Variants in NXPE2 observed in about 807,000 individuals in gnomAD.
The protein encoded by NXPE2 is NXPE family member 2.
A neutral mutation model predicts 34.4 loss-of-function variants in NXPE2; 34 were observed. The observed-to-expected ratio is 0.99, with a 90% CI of 0.75 to 1.31. NXPE2 has a LOEUF of 1.31. Among genes scored for constraint, NXPE2 ranks in the 40% most tolerant of loss-of-function variants. The probability of loss-of-function intolerance (pLI) is 0.00; values close to 1 mark genes in which losing one functional copy is unlikely to be tolerated. For missense variants in NXPE2, 649 were observed against 672.5 expected (o/e 0.97, Z 0.39); for synonymous variants, 235 against 231.3 (o/e 1.02, Z -0.15).
At chr11:114,690,110 G>A (rs1015930609) in intron 2 of NXPE2, among the ~76,000 whole-genome samples, 1 of 152,098 alleles carries the variant, frequency 6.6e-6, no homozygotes, top group Non-Finnish European at 1.5e-5. Context: ...TAATTGATAT[G>A]TAAGGTTTTG....
At chr11:114,507,247 C>CAAA in the NXPE2 span, among the ~76,000 whole-genome samples, 9 of 91,408 alleles carry the variant, frequency 9.8e-5, no homozygotes, top group African/African-American at 2.3e-4. Context: ...GCCAACCAAC[C>CAAA]AAAAAAAAAA....
At chr11:114,601,260 G>T in the NXPE2 span, among the ~76,000 whole-genome samples, 1 of 149,822 alleles carries the variant, frequency 6.7e-6, no homozygotes, top group Non-Finnish European at 1.5e-5. Context: ...CCCTCTTTCT[G>T]AGTCTTCAAA....
chr11:114,803,605 TCTCA>T, the NXPE2 span, among the ~76,000 whole-genome samples: 1 of 147,666 alleles, frequency 6.8e-6, no homozygotes, highest in Non-Finnish European at 1.5e-5. Context: ...TGAGATGGAG[TCTCA>T]CTCTGTTGCC....
chr11:114,701,013 A>C (rs1951355751), intron 3 of NXPE2, among the ~76,000 whole-genome samples: 2 of 152,112 alleles, frequency 1.3e-5, no homozygotes, highest in South Asian at 2.1e-4. Flanking sequence ...CTGACCCTAC[A>C]TCACTACAGC....
chr11:114,709,123 A>C (rs1859563937), downstream of NXPE2, among the ~76,000 whole-genome samples: 1 of 152,226 alleles, frequency 6.6e-6, no homozygotes, highest in Non-Finnish European at 1.5e-5. Flanking sequence ...AGGGCTATTT[A>C]AATTTAAATT....
chr11:114,620,363 GA>G, the NXPE2 span, among the ~76,000 whole-genome samples: 3 of 151,926 alleles, frequency 2.0e-5, no homozygotes, highest in African/African-American at 7.3e-5. Context: ...GTTACCGGTG[GA>G]AAATAAGTGT....
At chr11:114,797,883 A>G in the NXPE2 span, among the ~76,000 whole-genome samples, 188 of 152,308 alleles carry the variant, frequency 1.2e-3, no homozygotes, top group African/African-American at 4.5e-3. Flanking sequence ...TAGTGTCAGA[A>G]CTAGACAAGT....
chr11:114,721,477 T>C, the NXPE2 span, among the ~76,000 whole-genome samples: 7 of 152,206 alleles, frequency 4.6e-5, no homozygotes, highest in East Asian at 1.2e-3. Context: ...TTCTGGATCC[T>C]CTCTGTTAGA....
chr11:114,720,863 C>T, the NXPE2 span, among the ~76,000 whole-genome samples: 2 of 152,132 alleles, frequency 1.3e-5, no homozygotes, highest in Non-Finnish European at 2.9e-5. Flanking sequence ...TGAGGTCACT[C>T]TCAGAGATGG....
the NXPE2 span, among the ~76,000 whole-genome samples, chr11:114,472,217 T>C: frequency 1.3e-5 from 2 of 152,314 alleles, no homozygotes; most frequent in East Asian, 1.9e-4. Flanking sequence ...ATGAAACACA[T>C]ACCGAGCACA....
rs371005610 is a variant in NXPE2 at position 114,679,756 on chromosome 11, C to T, written c.126C>T (p.His42=). 203 of 1,538,862 alleles carry T rather than the reference C, an allele frequency of 1.3e-4. 2 individuals are homozygous for T. The South Asian group carries it at 2.3e-3, about 17-fold the overall frequency. The change falls in exon 2 of 6, where the codon CAC becomes CAT. Residue 42 remains histidine, a synonymous_variant. Transcript: ENST00000389586. The part of the protein sequence containing the change: ...FWIIYLASKD[H]TKFSFNLENH... ...TCATTTACTTGGCTTCAAAAGACCA[C>T]ACAAAGGTAGGAAGTTTCATTTTTA...
the NXPE2 span, among the ~76,000 whole-genome samples, chr11:114,738,891 G>T: frequency 1.3e-5 from 2 of 151,858 alleles, no homozygotes; most frequent in African/African-American, 4.8e-5. Context: ...TTTTATGATT[G>T]TTATTTTTTG....
chr11:114,782,449 G>A, the NXPE2 span, among the ~76,000 whole-genome samples: 2 of 152,284 alleles, frequency 1.3e-5, no homozygotes, highest in African/African-American at 4.8e-5. Flanking sequence ...AACTCCACCT[G>A]GAAGAACAGG....
At chr11:114,707,547 G>A (rs533438378), downstream of NXPE2, 20 of 239,780 alleles carry the variant, frequency 8.3e-5, no homozygotes, top group Middle Eastern at 4.5e-4. Context: ...AGTGTGCAGC[G>A]CCACACCTGG....
At chr11:114,757,833 G>A in the NXPE2 span, among the ~76,000 whole-genome samples, 3 of 152,182 alleles carry the variant, frequency 2.0e-5, no homozygotes, top group African/African-American at 7.2e-5. Context: ...TCACATTCAG[G>A]AGCAGTGGCA....
rs767312815 is a variant in NXPE2, at chr11:114,698,367, C to T, written c.455C>T (p.Ala152Val). The T allele has an allele frequency of 1.2e-5, 19 of 1,613,828 alleles. No homozygotes were observed. Among genetic ancestry groups the T allele is most frequent in the African/African-American group, 2.7e-5 (2 of 74,904 alleles). Residue 152 changes from alanine (A) to valine (V), a missense_variant, in exon 3 of 6, where the codon GCC becomes GTC. Transcript: ENST00000389586. ...RKQYGGDFLR[A>V]RMYSTALMAG... ...CAATATGGTGGGGATTTCCTGAGGG[C>T]CAGGATGTACTCCACAGCACTAATG...
the NXPE2 span, among the ~76,000 whole-genome samples, chr11:114,760,802 A>C: frequency 6.6e-6 from 1 of 152,146 alleles, no homozygotes; most frequent in East Asian, 1.9e-4. Context: ...TCTTCCCTGA[A>C]ATTTCAACCC....
the NXPE2 span, among the ~76,000 whole-genome samples, chr11:114,621,836 AAAAT>A: frequency 6.6e-6 from 1 of 152,134 alleles, no homozygotes; most frequent in African/African-American, 2.4e-5. Flanking sequence ...TACCTGCTGG[AAAAT>A]AAATATTGCC....
At chr11:114,744,001 T>C in the NXPE2 span, among the ~76,000 whole-genome samples, 1 of 152,066 alleles carries the variant, frequency 6.6e-6, no homozygotes, top group African/African-American at 2.4e-5. Flanking sequence ...GTTTCTCTAT[T>C]CTTTCTTTGT....
Sources: gnomAD v4.1 joint callset for allele counts (sites outside exome capture counted in the v4.1 genomes callset) on GRCh38, gnomAD v4.1.1 for gene constraint, MANE v1.5 for transcripts, NCBI Gene and HGNC (gene_info 2026-07-23, HGNC 2026-07-21) for gene names.